The following MSRA variants were observed in gnomAD, a reference collection of about 807,000 sequenced individuals.
MSRA encodes the protein methionine sulfoxide reductase A.
MSRA carries 54 observed loss-of-function variants against 31.3 expected under a neutral mutation model. The observed-to-expected ratio is 1.73, with a 90% CI of 1.39 to 2.17. MSRA has a LOEUF of 2.17. MSRA is among the 30% of genes most tolerant of loss of function. The probability of loss-of-function intolerance (pLI) is 0.00; values close to 1 mark genes in which losing one functional copy is unlikely to be tolerated. For synonymous variants in MSRA, 169 were observed against 116.5 expected (o/e 1.45, Z -2.90); for missense variants, 507 against 300.9 (o/e 1.69, Z -5.07).
rs139817756 is a variant in MSRA at position 10,360,104 on chromosome 8, C to G, written c.543+40115C>G. Among the ~76,000 whole-genome samples the G allele has an allele frequency of 3.3e-3, 499 of 152,304 alleles. 3 individuals are homozygous for G. The highest frequency in any genetic ancestry group is 0.011 in the African/African-American group (468 of 41,578). The stretch of plus-strand genomic sequence containing the variant: ...AGCTCCAGCCTCTTCACCCAGGCCT[C>G]GTAACACAGGCCCTTGCGTGTGCTG... On this transcript the variant is annotated intron_variant, in intron 5 of 5. Transcript: ENST00000317173.
At chr8:10,217,614 A>G (rs574545002) in intron 2 of MSRA, among the ~76,000 whole-genome samples, 1 of 152,258 alleles carries the variant, frequency 6.6e-6, no homozygotes, top group South Asian at 2.1e-4. Flanking sequence ...GGTCTCAGTT[A>G]TGGCTAAATG....
At chr8:10,393,750 T>G (rs1463762243) in intron 5 of MSRA, among the ~76,000 whole-genome samples, 1 of 152,252 alleles carries the variant, frequency 6.6e-6, no homozygotes, top group African/African-American at 2.4e-5. Flanking sequence ...AGCACGTGGT[T>G]GTTATACAGG....
At chr8:10,419,779 G>A (rs1327788190) in intron 5 of MSRA, among the ~76,000 whole-genome samples, 1 of 152,188 alleles carries the variant, frequency 6.6e-6, no homozygotes, top group Non-Finnish European at 1.5e-5. Context: ...TAGCTCTCTT[G>A]CCATCAGGTG....
chr8:10,292,674 C>T (rs1016653237), intron 3 of MSRA, among the ~76,000 whole-genome samples: 2 of 152,222 alleles, frequency 1.3e-5, no homozygotes, highest in African/African-American at 4.8e-5. Context: ...CCTGGGGTCC[C>T]CAGCTCAGAG....
intron 1 of MSRA, among the ~76,000 whole-genome samples, chr8:10,133,229 G>A (rs1277224831): frequency 2.0e-5 from 3 of 152,208 alleles, no homozygotes; most frequent in African/African-American, 4.8e-5. Flanking sequence ...AGGGGCTGCT[G>A]TTGGTTGAAC....
At chr8:10,276,121 C>T (rs1799307993) in intron 3 of MSRA, among the ~76,000 whole-genome samples, 1 of 152,194 alleles carries the variant, frequency 6.6e-6, no homozygotes, top group Non-Finnish European at 1.5e-5. Flanking sequence ...AAACAGGCGA[C>T]ACATGTAGGG....
intron 1 of MSRA, among the ~76,000 whole-genome samples, chr8:10,132,241 G>C (rs916518338): frequency 2.0e-5 from 3 of 152,212 alleles, no homozygotes; most frequent in African/African-American, 7.2e-5. Flanking sequence ...AAAAAAGTTT[G>C]GACTTTCAGA....
chr8:10,202,728 A>T (rs1373994681), intron 1 of MSRA, among the ~76,000 whole-genome samples: 5 of 152,232 alleles, frequency 3.3e-5, no homozygotes, highest in African/African-American at 1.2e-4. Flanking sequence ...AGGTGATAAT[A>T]CCAGCCTAAC....
intron 5 of MSRA, among the ~76,000 whole-genome samples, chr8:10,402,958 C>A (rs1807557073): frequency 6.6e-6 from 1 of 152,114 alleles, no homozygotes. Flanking sequence ...GAAGCCATGG[C>A]CAAAGGAGTA....
chr8:10,425,954 A>G (rs749242329), intron 5 of MSRA, among the ~76,000 whole-genome samples: 3 of 152,132 alleles, frequency 2.0e-5, no homozygotes, highest in Non-Finnish European at 4.4e-5. Flanking sequence ...CTCTTCTCCA[A>G]ACTCTCTGGT....
intron 1 of MSRA, among the ~76,000 whole-genome samples, chr8:10,104,499 G>T (rs1160834290): frequency 6.6e-6 from 1 of 152,066 alleles, no homozygotes. Flanking sequence ...CTTGAATCAG[G>T]GGCTTCTAGG....
intron 2 of MSRA, among the ~76,000 whole-genome samples, chr8:10,239,037 A>G (rs1239628736): frequency 6.6e-6 from 1 of 152,210 alleles, no homozygotes; most frequent in Non-Finnish European, 1.5e-5. Flanking sequence ...ATTGCAACAA[A>G]CCAAGAAAAA....
At chr8:10,221,839 A>C (rs575911081) in intron 2 of MSRA, among the ~76,000 whole-genome samples, 1 of 152,132 alleles carries the variant, frequency 6.6e-6, no homozygotes. Context: ...TTTTGCACAG[A>C]TTTATGGAAA....
chr8:10,133,173 T>C (rs1802024146), intron 1 of MSRA, among the ~76,000 whole-genome samples: 1 of 152,072 alleles, frequency 6.6e-6, no homozygotes, highest in Non-Finnish European at 1.5e-5. Context: ...CCACGGACTG[T>C]GGGGAAGGCG....
chr8:10,158,995 G>T (rs1804408478), intron 1 of MSRA, among the ~76,000 whole-genome samples: 1 of 152,202 alleles, frequency 6.6e-6, no homozygotes, highest in Non-Finnish European at 1.5e-5. Context: ...TTTTAGGGAT[G>T]AAATGGCATG....
intron 3 of MSRA, among the ~76,000 whole-genome samples, chr8:10,267,966 T>C (rs922601338): frequency 1.3e-4 from 20 of 152,184 alleles, no homozygotes; most frequent in Non-Finnish European, 2.8e-4. Context: ...GTTGCCACAT[T>C]CATTCCCCTT....
At chr8:10,225,419 T>G (rs1810907915) in intron 2 of MSRA, among the ~76,000 whole-genome samples, 1 of 152,226 alleles carries the variant, frequency 6.6e-6, no homozygotes, top group African/African-American at 2.4e-5. Context: ...GGCCTGGTCT[T>G]GGATTACTTG....
At chr8:10,173,977 C>T (rs1805823887) in intron 1 of MSRA, among the ~76,000 whole-genome samples, 1 of 152,134 alleles carries the variant, frequency 6.6e-6, no homozygotes, top group Non-Finnish European at 1.5e-5. Flanking sequence ...GTGGGTGGGC[C>T]TGGGCAGATT....
intron 3 of MSRA, among the ~76,000 whole-genome samples, chr8:10,260,695 T>TG (rs372347021): frequency 1.1e-4 from 17 of 151,820 alleles, no homozygotes; most frequent in African/African-American, 2.4e-4. Flanking sequence ...TTTGCATTGG[T>TG]GGGGGGGAAT....
Sources: allele counts gnomAD v4.1 joint callset (sites outside exome capture counted in the v4.1 genomes callset), GRCh38; gene constraint gnomAD v4.1.1; transcripts MANE v1.5; gene names NCBI Gene and HGNC (gene_info 2026-07-23, HGNC 2026-07-21).